The following LRRC4C variants were observed in gnomAD, a reference collection of about 807,000 sequenced individuals.
LRRC4C encodes the protein leucine-rich repeat-containing protein 4C.
LRRC4C carries 5 observed loss-of-function variants against 33.6 expected under a neutral mutation model. The observed-to-expected ratio is 0.15, with a 90% CI of 0.08 to 0.31. The LOEUF (loss-of-function observed/expected upper bound fraction) is 0.31. Among genes scored for constraint, LRRC4C ranks in the 10% least tolerant of loss-of-function variants. The pLI, the probability that LRRC4C is intolerant of heterozygous loss-of-function variation, is 1.00. For synonymous variants in LRRC4C, 329 were observed against 302.0 expected, an observed-to-expected ratio of 1.09 and a Z score of -0.93; for missense variants, 560 against 796.7, an observed-to-expected ratio of 0.70 and a Z score of 3.58.
chr11:40,382,894 C>T (rs1379952191), intron 3 of LRRC4C, among the ~76,000 whole-genome samples: 2 of 151,738 alleles, frequency 1.3e-5, no homozygotes, highest in Non-Finnish European at 2.9e-5. Context: ...GGGGTTTCAC[C>T]GTGTTAGCCA....
At chr11:40,344,227 A>G (rs1469881495) in intron 3 of LRRC4C, among the ~76,000 whole-genome samples, 1 of 152,202 alleles carries the variant, frequency 6.6e-6, no homozygotes, top group Non-Finnish European at 1.5e-5. Flanking sequence ...AACATTCCTG[A>G]TGAACATACA....
intron 3 of LRRC4C, among the ~76,000 whole-genome samples, chr11:40,413,373 T>C (rs989794472): frequency 3.0e-4 from 45 of 152,196 alleles, no homozygotes; most frequent in African/African-American, 1.0e-3. Context: ...CTGCCCTAAG[T>C]CTTCCCTGCC....
intron 1 of LRRC4C, among the ~76,000 whole-genome samples, chr11:40,966,241 CT>C (rs1851355775): frequency 6.6e-6 from 1 of 151,892 alleles, no homozygotes; most frequent in Non-Finnish European, 1.5e-5. Context: ...TACACTTTAC[CT>C]ATTTTTACAT....
intron 1 of LRRC4C, among the ~76,000 whole-genome samples, chr11:41,073,921 C>A (rs1478876585): frequency 6.6e-6 from 1 of 152,146 alleles, no homozygotes; most frequent in Non-Finnish European, 1.5e-5. Flanking sequence ...CATACATAAT[C>A]ACAGTAAATG....
intron 3 of LRRC4C, among the ~76,000 whole-genome samples, chr11:40,627,807 A>G (rs1359553519): frequency 1.3e-5 from 2 of 152,166 alleles, no homozygotes. Flanking sequence ...ACTTCTTTCC[A>G]GATTTTAACC....
At chr11:40,153,028 C>T (rs1590543416) in intron 5 of LRRC4C, among the ~76,000 whole-genome samples, 2 of 152,308 alleles carry the variant, frequency 1.3e-5, no homozygotes, top group Admixed American at 1.3e-4. Context: ...AGGACCCTCA[C>T]AGAGTCCATT....
At chr11:40,375,817 G>A (rs890147576) in intron 3 of LRRC4C, among the ~76,000 whole-genome samples, 10 of 152,100 alleles carry the variant, frequency 6.6e-5, no homozygotes, top group Admixed American at 2.6e-4. Flanking sequence ...CGGGAGTCAC[G>A]TGCTTAATCT....
At chr11:40,631,473 CAT>C (rs1963472635) in intron 3 of LRRC4C, among the ~76,000 whole-genome samples, 1 of 152,146 alleles carries the variant, frequency 6.6e-6, no homozygotes, top group Non-Finnish European at 1.5e-5. Context: ...CTGTAACAGA[CAT>C]ATGGCTGCAA....
chr11:40,948,032 A>T (rs1364763337), intron 1 of LRRC4C, among the ~76,000 whole-genome samples: 2 of 152,200 alleles, frequency 1.3e-5, no homozygotes, highest in East Asian at 3.9e-4. Flanking sequence ...TTTGGTGAAA[A>T]GTAGAATTCA....
intron 2 of LRRC4C, among the ~76,000 whole-genome samples, chr11:40,692,567 G>A (rs1011682922): frequency 3.3e-5 from 5 of 151,998 alleles, no homozygotes; most frequent in East Asian, 1.9e-4. Context: ...TGAATGGGGT[G>A]GAAGAAAAGC....
chr11:41,207,736 G>A (rs546042005), intron 1 of LRRC4C, among the ~76,000 whole-genome samples: 2 of 152,286 alleles, frequency 1.3e-5, no homozygotes, highest in African/African-American at 4.8e-5. Flanking sequence ...TGCTCCTACC[G>A]TGATCTTGGA....
intron 2 of LRRC4C, among the ~76,000 whole-genome samples, chr11:40,827,397 A>G (rs935907296): frequency 2.0e-5 from 3 of 151,896 alleles, no homozygotes; most frequent in Admixed American, 6.6e-5. Context: ...AAAATCATAC[A>G]TAGTCAATCT....
At chr11:41,388,556 T>A (rs1297013648) in intron 1 of LRRC4C, among the ~76,000 whole-genome samples, 3 of 151,856 alleles carry the variant, frequency 2.0e-5, no homozygotes, top group Non-Finnish European at 4.4e-5. Context: ...TAAGGAAGAT[T>A]TATGAGTTTG....
At chr11:41,082,853 A>G (rs1377597767) in intron 1 of LRRC4C, among the ~76,000 whole-genome samples, 1 of 152,060 alleles carries the variant, frequency 6.6e-6, no homozygotes, top group African/African-American at 2.4e-5. Context: ...TTCCTCTTGA[A>G]CCAGAGGTCT....
intron 2 of LRRC4C, among the ~76,000 whole-genome samples, chr11:40,922,380 G>T (rs1055543946): frequency 1.3e-5 from 2 of 152,120 alleles, no homozygotes; most frequent in Admixed American, 1.3e-4. Flanking sequence ...TATTTCCTTT[G>T]TAAGGCTGTC....
At chr11:41,285,371 A>T (rs1949792343) in intron 1 of LRRC4C, among the ~76,000 whole-genome samples, 1 of 152,230 alleles carries the variant, frequency 6.6e-6, no homozygotes, top group Admixed American at 6.5e-5. Flanking sequence ...GCCACCATTC[A>T]ACAAGCATGA....
At chr11:40,775,863 G>C (rs1949971803) in intron 2 of LRRC4C, among the ~76,000 whole-genome samples, 1 of 152,152 alleles carries the variant, frequency 6.6e-6, no homozygotes, top group Non-Finnish European at 1.5e-5. Flanking sequence ...CCATTCTTAA[G>C]GGGAATGTTT....
intron 5 of LRRC4C, among the ~76,000 whole-genome samples, chr11:40,233,650 G>A (rs564747039): frequency 3.3e-5 from 5 of 152,252 alleles, no homozygotes; most frequent in Admixed American, 6.5e-5. Context: ...CTATATCATA[G>A]TCTAGTACAA....
chr11:41,441,688 G>C (rs1299807789), intron 1 of LRRC4C, among the ~76,000 whole-genome samples: 1 of 149,404 alleles, frequency 6.7e-6, no homozygotes, highest in African/African-American at 2.5e-5. Flanking sequence ...CTTGAATGTA[G>C]AGAAGATGGC....
Sources: allele counts gnomAD v4.1 joint callset (sites outside exome capture counted in the v4.1 genomes callset), GRCh38; gene constraint gnomAD v4.1.1; transcripts MANE v1.5; gene names NCBI Gene and HGNC (gene_info 2026-07-23, HGNC 2026-07-21).